Variants in SLC25A21 observed in about 807,000 individuals in gnomAD.
The protein encoded by SLC25A21 is mitochondrial 2-oxodicarboxylate carrier.
SLC25A21 carries 47 observed loss-of-function variants against 43.8 expected under a neutral mutation model. The observed-to-expected ratio is 1.07, with a 90% confidence interval of 0.85 to 1.37. The LOEUF (loss-of-function observed/expected upper bound fraction) is 1.37. Ranked by LOEUF, SLC25A21 falls within the 40% of genes most tolerant of loss-of-function variation. The pLI is 0.00. For missense variants in SLC25A21, 352 were observed against 350.2 expected, an observed-to-expected ratio of 1.00 and a Z score of -0.04; for synonymous variants, 131 against 121.3, an observed-to-expected ratio of 1.08 and a Z score of -0.52.
chr14:36,845,062 C>T (rs1889500117), intron 2 of SLC25A21, among the ~76,000 whole-genome samples: 1 of 152,216 alleles, frequency 6.6e-6, no homozygotes, highest in Non-Finnish European at 1.5e-5. Context: ...CATTAATTAT[C>T]TGCAAAAGTA....
chr14:37,146,704 T>C (rs1387963990), intron 1 of SLC25A21, among the ~76,000 whole-genome samples: 1 of 152,242 alleles, frequency 6.6e-6, no homozygotes, highest in Non-Finnish European at 1.5e-5. Flanking sequence ...ATGTCAATGT[T>C]ACTTACAGAT....
chr14:36,685,387 C>G (rs927602105), intron 7 of SLC25A21, among the ~76,000 whole-genome samples: 1 of 152,184 alleles, frequency 6.6e-6, no homozygotes, highest in Admixed American at 6.5e-5. Flanking sequence ...CAAGGCTACT[C>G]GCGGTCTGCT....
chr14:37,128,668 G>A (rs969427071), intron 1 of SLC25A21, among the ~76,000 whole-genome samples: 2 of 151,502 alleles, frequency 1.3e-5, no homozygotes, highest in Non-Finnish European at 2.9e-5. Flanking sequence ...CTGCAGCCTT[G>A]ACCTCCACCA....
At chr14:36,776,238 CTT>C (rs35856297) in intron 3 of SLC25A21, among the ~76,000 whole-genome samples, 2 of 89,894 alleles carry the variant, frequency 2.2e-5, no homozygotes, top group Non-Finnish European at 3.9e-5. Context: ...TTCTTTCTTT[CTT>C]TTTTTTTTTT....
At chr14:36,884,923 T>C (rs1407096235) in intron 1 of SLC25A21, among the ~76,000 whole-genome samples, 4 of 152,180 alleles carry the variant, frequency 2.6e-5, no homozygotes, top group Non-Finnish European at 5.9e-5. Flanking sequence ...ATGGGTTGTC[T>C]ATTCACTCTC....
intron 3 of SLC25A21, among the ~76,000 whole-genome samples, chr14:36,777,017 T>C (rs1271167829): frequency 2.6e-5 from 4 of 152,150 alleles, no homozygotes; most frequent in Admixed American, 2.6e-4. Context: ...CCCAGCACTC[T>C]GGGAGGCCGA....
intron 1 of SLC25A21, among the ~76,000 whole-genome samples, chr14:37,024,569 T>A (rs755120362): frequency 9.9e-5 from 15 of 152,058 alleles, no homozygotes; most frequent in Non-Finnish European, 1.5e-4. Context: ...CTCAGTACGT[T>A]TACCCTTTGG....
intron 3 of SLC25A21, among the ~76,000 whole-genome samples, chr14:36,761,776 T>C (rs1273500336): frequency 1.3e-5 from 2 of 152,158 alleles, no homozygotes; most frequent in Non-Finnish European, 2.9e-5. Context: ...AAATCAACTA[T>C]AAAGATATGC....
At chr14:36,980,497 T>C (rs921548286) in intron 1 of SLC25A21, among the ~76,000 whole-genome samples, 3 of 152,252 alleles carry the variant, frequency 2.0e-5, no homozygotes, top group Non-Finnish European at 4.4e-5. Flanking sequence ...ATTCATTTGA[T>C]CTTCAATCAC....
chr14:36,861,982 TTATGTGGCCAACAAACA>T (rs1357015117), intron 2 of SLC25A21, among the ~76,000 whole-genome samples: 1 of 152,076 alleles, frequency 6.6e-6, no homozygotes, highest in Non-Finnish European at 1.5e-5. Context: ...AAGAAGACAT[TTATGTGGCCAACAAACA>T]TATGAAAAAA....
chr14:36,884,809 A>G (rs1890866746), intron 1 of SLC25A21, among the ~76,000 whole-genome samples: 1 of 151,982 alleles, frequency 6.6e-6, no homozygotes, highest in Non-Finnish European at 1.5e-5. Flanking sequence ...TCCCTTGCTC[A>G]TTTTTAATGG....
chr14:37,162,564 A>G (rs1454527231), intron 1 of SLC25A21, among the ~76,000 whole-genome samples: 1 of 152,244 alleles, frequency 6.6e-6, no homozygotes, highest in Non-Finnish European at 1.5e-5. Context: ...TGGCCATCAG[A>G]GAAATACAAA....
chr14:37,041,074 G>C (rs1185714012), intron 1 of SLC25A21, among the ~76,000 whole-genome samples: 2 of 152,098 alleles, frequency 1.3e-5, no homozygotes, highest in East Asian at 3.9e-4. Context: ...AGAAGATAGA[G>C]AGTGAAAAAG....
At chr14:36,695,496 T>A (rs547842144) in intron 7 of SLC25A21, among the ~76,000 whole-genome samples, 1 of 152,348 alleles carries the variant, frequency 6.6e-6, no homozygotes, top group South Asian at 2.1e-4. Context: ...ATAAATTACT[T>A]TGGGCAGTAT....
At chr14:36,770,677 C>G (rs956541153) in intron 3 of SLC25A21, among the ~76,000 whole-genome samples, 3 of 152,108 alleles carry the variant, frequency 2.0e-5, no homozygotes, top group African/African-American at 2.4e-5. Context: ...CTTGGTGAGG[C>G]ATATAATCCC....
intron 1 of SLC25A21, among the ~76,000 whole-genome samples, chr14:37,076,828 T>C (rs1347805114): frequency 4.6e-5 from 7 of 152,152 alleles, no homozygotes; most frequent in Admixed American, 3.3e-4. Context: ...AGTTAGAGCA[T>C]GGAACATGGG....
rs147307567 is a variant in SLC25A21 at position 37,050,971 on chromosome 14, T to C, written c.70+121310A>G. The stretch of plus-strand genomic sequence containing the variant: ...AATATTTACTTTTCAGGTTAATACA[T>C]CTAAAATAACTACATCTTACACCAC... On this transcript the variant is annotated intron_variant, in intron 1 of 9. Coordinates refer to ENST00000331299, the MANE Select transcript of SLC25A21 (RefSeq NM_030631.4). 3.6e-3 allele frequency among the ~76,000 whole-genome samples: 546 copies of C among 152,308 alleles called. 3 individuals carry two copies. Among genetic ancestry groups the C allele is most frequent in the African/African-American group, 7.8e-3 (323 of 41,562 alleles).
intron 3 of SLC25A21, among the ~76,000 whole-genome samples, chr14:36,782,421 T>C (rs1887098005): frequency 1.3e-5 from 2 of 152,222 alleles, no homozygotes; most frequent in Non-Finnish European, 2.9e-5. Flanking sequence ...TTTCTTGTTT[T>C]CTTTGGGGTC....
intron 1 of SLC25A21, among the ~76,000 whole-genome samples, chr14:36,897,539 C>G (rs1385082221): frequency 1.3e-5 from 2 of 152,204 alleles, no homozygotes; most frequent in African/African-American, 4.8e-5. Flanking sequence ...CCCAACTCAT[C>G]AAAGTCATTC....
Sources: gnomAD v4.1 joint callset for allele counts (sites outside exome capture counted in the v4.1 genomes callset) on GRCh38, gnomAD v4.1.1 for gene constraint, MANE v1.5 for transcripts, NCBI Gene and HGNC (gene_info 2026-07-23, HGNC 2026-07-21) for gene names.